KAZN: variants seen among roughly 807,000 people sequenced by gnomAD.
KAZN encodes kazrin.
A neutral mutation model predicts 87.4 loss-of-function variants in KAZN; 40 were observed. That is an observed-to-expected ratio of 0.46 (90% confidence interval 0.36 to 0.60). The LOEUF (loss-of-function observed/expected upper bound fraction) is 0.60. Ranked by LOEUF, KAZN falls within the 20% of genes least tolerant of loss-of-function variation. KAZN has a pLI of 0.00. For missense variants in KAZN, 898 were observed against 1,073.9 expected, an observed-to-expected ratio of 0.84 and a Z score of 2.29; for synonymous variants, 466 against 458.3, an observed-to-expected ratio of 1.02 and a Z score of -0.22.
intron 2 of KAZN, among the ~76,000 whole-genome samples, chr1:14,427,321 C>T (rs901533482): frequency 3.9e-5 from 6 of 152,162 alleles, no homozygotes; most frequent in Admixed American, 3.9e-4. Flanking sequence ...CATCTGTAAA[C>T]TGGGGATAAT....
intron 1 of KAZN, among the ~76,000 whole-genome samples, chr1:14,716,373 T>C (rs1642792845): frequency 2.0e-5 from 3 of 152,206 alleles, no homozygotes; most frequent in African/African-American, 7.2e-5. Flanking sequence ...TTTCAAGTCA[T>C]CTTCAGCTCT....
intron 2 of KAZN, among the ~76,000 whole-genome samples, chr1:14,199,101 T>C (rs148719830): frequency 6.8e-4 from 104 of 152,332 alleles, no homozygotes; most frequent in African/African-American, 2.4e-3. Flanking sequence ...GTATTTTGAC[T>C]TGGGCAATCT....
At chr1:14,122,899 G>GT (rs930006965) in intron 1 of KAZN, among the ~76,000 whole-genome samples, 1 of 152,058 alleles carries the variant, frequency 6.6e-6, no homozygotes, top group Non-Finnish European at 1.5e-5. Context: ...GCTATTGTTT[G>GT]TTTTTTGTCT....
chr1:14,252,851 C>T, intron 2 of KAZN, among the ~76,000 whole-genome samples: 1 of 152,146 alleles, frequency 6.6e-6, no homozygotes, highest in Non-Finnish European at 1.5e-5. Flanking sequence ...AGGGGCTGTA[C>T]TCCATGTAGA....
At chr1:14,324,247 G>C (rs1308986545) in intron 2 of KAZN, among the ~76,000 whole-genome samples, 2 of 152,190 alleles carry the variant, frequency 1.3e-5, no homozygotes, top group East Asian at 1.9e-4. Context: ...TGGTGAATTA[G>C]TGCCATATAT....
Position 14,598,719 on chromosome 1 carries a change from G to T in KAZN, c.-279G>T. On this transcript the variant is annotated 5_prime_UTR_variant, in exon 1 of 15. Transcript: ENST00000376030. This position sits in a 1 kb window ranked among gnomAD's most constrained non-coding sequence, Gnocchi z 4.2. Reference sequence around the variant, plus strand: ...GCAGCTCTCGGCGCCCGCCCGCCGGGGTCTCGGCGATCGCTGCTCCTCCTC... The same window carrying T: ...GCAGCTCTCGGCGCCCGCCCGCCGGTGTCTCGGCGATCGCTGCTCCTCCTC... 7 of 1,320,030 alleles carry T rather than the reference G, an allele frequency of 5.3e-6. No homozygotes were observed. The highest frequency in any genetic ancestry group is 5.7e-6 in the Non-Finnish European group (6 of 1,043,490). The allele number at this position is 1,320,030 out of a possible 1,614,324, so 81.8% of individuals were successfully genotyped here.
At chr1:14,458,038 G>A (rs1173246764) in intron 2 of KAZN, among the ~76,000 whole-genome samples, 2 of 152,028 alleles carry the variant, frequency 1.3e-5, no homozygotes, top group Non-Finnish European at 2.9e-5. Context: ...TAGCCAGGAT[G>A]GTCTCAATCT....
chr1:14,049,627 C>G (rs1296421620), intron 1 of KAZN, among the ~76,000 whole-genome samples: 1 of 152,188 alleles, frequency 6.6e-6, no homozygotes, highest in Non-Finnish European at 1.5e-5. Context: ...CCCTCTCTCC[C>G]TCTCTTCCTT....
chr1:14,486,391 A>G (rs1056075097), intron 2 of KAZN, among the ~76,000 whole-genome samples: 2 of 152,166 alleles, frequency 1.3e-5, no homozygotes, highest in Admixed American at 1.3e-4. Flanking sequence ...TTAAGTCCTC[A>G]CCAACTGTGG....
At chr1:15,049,802 A>T (rs988213357) in intron 4 of KAZN, among the ~76,000 whole-genome samples, 1 of 152,126 alleles carries the variant, frequency 6.6e-6, no homozygotes, top group African/African-American at 2.4e-5. Flanking sequence ...AGGCAGGTGG[A>T]TCACCTGAGG....
chr1:14,284,865 C>A (rs1264391687), intron 2 of KAZN, among the ~76,000 whole-genome samples: 1 of 152,166 alleles, frequency 6.6e-6, no homozygotes, highest in Non-Finnish European at 1.5e-5. Flanking sequence ...CAAGTTAGTA[C>A]CAGAGATGGG....
At chr1:14,166,307 T>C (rs1452046527) in intron 1 of KAZN, among the ~76,000 whole-genome samples, 2 of 151,780 alleles carry the variant, frequency 1.3e-5, no homozygotes, top group Non-Finnish European at 2.9e-5. Context: ...AGAGCAAGAC[T>C]GTCTCAAAAA....
At chr1:14,064,894 A>T (rs1415468871) in intron 1 of KAZN, among the ~76,000 whole-genome samples, 1 of 152,188 alleles carries the variant, frequency 6.6e-6, no homozygotes. Context: ...CCCAAGGTCC[A>T]GTTGCCCCCA....
intron 2 of KAZN, among the ~76,000 whole-genome samples, chr1:14,487,817 TG>T (rs1029314138): frequency 6.6e-5 from 10 of 152,102 alleles, no homozygotes; most frequent in African/African-American, 2.4e-4. Flanking sequence ...TCAGATGCCA[TG>T]GGGCAGAAGG....
At chr1:14,031,745 CT>C (rs1324979930) in intron 1 of KAZN, among the ~76,000 whole-genome samples, 1 of 152,158 alleles carries the variant, frequency 6.6e-6, no homozygotes, top group Non-Finnish European at 1.5e-5. Context: ...CTTAAAGTTT[CT>C]TGAGACTCTG....
intron 2 of KAZN, among the ~76,000 whole-genome samples, chr1:14,992,903 CA>C (rs1283626076): frequency 6.6e-6 from 1 of 151,978 alleles, no homozygotes; most frequent in African/African-American, 2.4e-5. Context: ...CTCAGCCTCC[CA>C]AAGTGCTGGG....
At chr1:14,426,879 T>C (rs114677428) in intron 2 of KAZN, among the ~76,000 whole-genome samples, 549 of 152,274 alleles carry the variant, frequency 3.6e-3, no homozygotes, top group African/African-American at 0.012. Context: ...TCCTGTCCCT[T>C]TGTTTCCTTT....
At position 14,386,870 on chromosome 1, in the gene KAZN, G is replaced by GA. The variant is rs532302965; in HGVS notation, c.249+206279dup. On this transcript the variant is annotated intron_variant, in intron 2 of 16. Transcript: ENST00000636203. ...ATCTGAATGTTGGCCTGCCTTGCTGGATTGGGGAAGTTCCCCTGGATAATA... is the reference window on the plus strand; with the variant it reads ...ATCTGAATGTTGGCCTGCCTTGCTGGAATTGGGGAAGTTCCCCTGGATAATA... 2.9e-3 allele frequency among the ~76,000 whole-genome samples: 436 copies of GA among 152,262 alleles called. 1 individual carries two copies. Among genetic ancestry groups the GA allele is most frequent in the African/African-American group, 9.5e-3 (396 of 41,536 alleles).
intron 1 of KAZN, among the ~76,000 whole-genome samples, chr1:14,753,335 A>T (rs984097040): frequency 6.6e-6 from 1 of 152,194 alleles, no homozygotes; most frequent in Non-Finnish European, 1.5e-5. Context: ...AGGTTTACAA[A>T]TGAGACAGTG....
Sources: gnomAD v4.1 joint callset for allele counts (sites outside exome capture counted in the v4.1 genomes callset) on GRCh38, gnomAD v4.1.1 for gene constraint, Gnocchi (gnomAD v3.1) non-coding constraint, MANE v1.5 for transcripts, NCBI Gene and HGNC (gene_info 2026-07-23, HGNC 2026-07-21) for gene names.